Variants in APEH observed in about 807,000 individuals in gnomAD.
APEH encodes acylaminoacyl-peptide hydrolase.
A neutral mutation model predicts 102.7 loss-of-function variants in APEH; 75 were observed. The ratio of observed to expected loss-of-function variants is 0.73; its 90% confidence interval spans 0.61 to 0.89. The LOEUF (loss-of-function observed/expected upper bound fraction) is 0.89, where lower values mean the gene tolerates loss of function less well. APEH is among the 40% of genes least tolerant of loss of function. APEH has a pLI of 0.00. For missense variants in APEH, 863 were observed against 941.2 expected (o/e 0.92, Z 1.09); for synonymous variants, 344 against 362.7 (o/e 0.95, Z 0.59).
In APEH at chr3:49,683,714, A is replaced by C. The variant is rs890579112; in HGVS notation, c.*372A>C. ...TAGCTTCCCTGCTGCAGCCCCTTCCATTAGCAACTACTCTGTACCACCCTT... is the reference window on the plus strand; with the variant it reads ...TAGCTTCCCTGCTGCAGCCCCTTCCCTTAGCAACTACTCTGTACCACCCTT... On this transcript the variant is annotated 3_prime_UTR_variant, in exon 22 of 22. Transcript: ENST00000296456. 2.1e-6 allele frequency: 1 copy of C among 471,242 alleles called. No individual in the cohort carries two copies. Among genetic ancestry groups the C allele is most frequent in the Admixed American group, 3.7e-5 (1 of 27,200 alleles). The allele number at this position is 471,242 out of a possible 1,614,324, so 29.2% of individuals were successfully genotyped here. A position where few individuals can be genotyped will look rare whatever the true frequency, so the allele number is the denominator to read the frequency against.
intron 10 of APEH, 83 bp downstream of exon 10, chr3:49,677,107 C>A: frequency 1.3e-6 from 2 of 1,574,224 alleles, no homozygotes; most frequent in South Asian, 1.1e-5. Flanking sequence ...AGTATCATCT[C>A]CCCATAGGCC....
intron 14 of APEH, 41 bp downstream of exon 14, chr3:49,680,670 TG>T: frequency 6.4e-7 from 1 of 1,574,094 alleles, no homozygotes; most frequent in Non-Finnish European, 8.7e-7. Context: ...GCAGGGGTTC[TG>T]GGCAGGCAGA....
intron 10 of APEH, 60 bp downstream of exon 10, chr3:49,677,084 G>C (rs1001278303): frequency 1.9e-6 from 3 of 1,608,178 alleles, no homozygotes; most frequent in African/African-American, 2.7e-5. Flanking sequence ...TGGTGGATGA[G>C]AGCTGAAGGG....
intron 15 of APEH, 71 bp from the exon 16 acceptor site, chr3:49,681,651 C>T (rs757946326): frequency 2.2e-6 from 3 of 1,342,804 alleles, no homozygotes; most frequent in Admixed American, 2.7e-5. Flanking sequence ...CCCACACCTG[C>T]AGCTAGAGAT....
chr3:49,683,326 C>G lies in APEH; in HGVS notation c.2183C>G (p.Thr728Arg), dbSNP rs1436429845. 1 of 1,612,810 alleles carries G rather than the reference C, an allele frequency of 6.2e-7. No individual in the cohort carries two copies. Among genetic ancestry groups the G allele is most frequent in the Non-Finnish European group, 8.5e-7 (1 of 1,179,212 alleles). The change falls in exon 22 of 22, where the codon ACA becomes AGA. Residue 728 changes from threonine to arginine, a missense_variant. Physicochemically the swap from Thr to Arg is moderately conservative, Grantham distance 71. Transcript: ENST00000296456. ...ATGAATGCTGTGCTCTGGCTACGCA[C>G]ACACTTGGGCAGCTGAAGCCCTGCC... ...SFMNAVLWLR[T>R]HLGS
intron 13 of APEH, 27 bp from the exon 14 acceptor site, chr3:49,680,514 G>A (rs1559637025): frequency 6.2e-7 from 1 of 1,600,052 alleles, no homozygotes; most frequent in Admixed American, 1.7e-5. Flanking sequence ...CTCCTGCTAA[G>A]CACTTAATGG....
At chr3:49,674,167 T>A (rs1178898274), upstream of APEH, 7 of 561,332 alleles carry the variant, frequency 1.2e-5, no homozygotes, top group African/African-American at 1.2e-4. Context: ...AGTCCGCCCC[T>A]GGCGAGACCC....
chr3:49,683,749 A>G lies in APEH; in HGVS notation c.*407A>G, dbSNP rs538729852. ...ACTCTGTACCACCCTTCCCAAGAGT[A>G]TGTCTGGAGGACTAGTGTGAGGCCC... On this transcript the variant is annotated 3_prime_UTR_variant, in exon 22 of 22. Coordinates refer to ENST00000296456, the MANE Select transcript of APEH (RefSeq NM_001640.4). The G allele has an allele frequency of 7.6e-5, 39 of 511,158 alleles. No homozygotes were observed. The East Asian group carries it at 1.1e-3, about 14-fold the overall frequency. The allele number at this position is 511,158 out of a possible 1,614,324, so 31.7% of individuals were successfully genotyped here. A position where few individuals can be genotyped will look rare whatever the true frequency, so the allele number is the denominator to read the frequency against.
chr3:49,680,950 T>C (rs1420674585), intron 14 of APEH, 151 bp from the exon 15 acceptor site: 6 of 1,015,480 alleles, frequency 5.9e-6, no homozygotes, highest in Non-Finnish European at 8.6e-6. Context: ...TACCTTGGTA[T>C]ATACCATCCC....
Position 49,674,563 on chromosome 3 carries a change from C to T in APEH, c.87C>T (p.Ala29=), listed in dbSNP as rs1010513978. The T allele has an allele frequency of 3.2e-6, 5 of 1,568,540 alleles. No individual in the cohort carries two copies. In the Admixed American group the frequency reaches 5.6e-5, roughly 17 times the overall value. The change falls in exon 2 of 22, where the codon GCC becomes GCT. Residue 29 remains alanine (A), a synonymous_variant. Transcript: ENST00000296456. ...GCCGCCAGCCCGCGCTGAGCGCCGC[C>T]TGCCTGGGCCCGGAGGTCACCACGC... ...GLSRQPALSA[A]CLGPEVTTQY...
In APEH at chr3:49,683,666, G is replaced by A. The variant is rs2053459651; in HGVS notation, c.*324G>A. On this transcript the variant is annotated 3_prime_UTR_variant, in exon 22 of 22. Transcript: ENST00000296456. ...AGAGGCTTAGCCTCTGCCTGTCCTGGCAACCAGGACTCTGTACCAGCCTAG... is the reference window on the plus strand; with the variant it reads ...AGAGGCTTAGCCTCTGCCTGTCCTGACAACCAGGACTCTGTACCAGCCTAG... The A allele has an allele frequency of 1.1e-5, 5 of 461,970 alleles. No individual in the cohort carries two copies. Among genetic ancestry groups the A allele is most frequent in the South Asian group, 9.0e-5 (4 of 44,224 alleles). 28.6% of individuals were successfully genotyped at this position (461,970 alleles called of 1,614,324 possible).
Position 49,676,067 on chromosome 3 carries a change from T to C in APEH, c.454T>C (p.Cys152Arg). ...GPVYEDDCFG[C>R]LSWSHSETHL... Reference sequence around the variant, plus strand: ...CTCCCTGCACCCAGACTGCTTTGGCTGCCTGTCCTGGTCGCACTCGGAGAC... The same window carrying C: ...CTCCCTGCACCCAGACTGCTTTGGCCGCCTGTCCTGGTCGCACTCGGAGAC... Residue 152 changes from cysteine to arginine, a missense_variant, in exon 6 of 22, where the codon TGC becomes CGC. Cys to Arg is a radical substitution (Grantham distance 180). Coordinates refer to ENST00000296456, the MANE Select transcript of APEH (RefSeq NM_001640.4). 1 of 1,614,204 alleles carries C rather than the reference T, an allele frequency of 6.2e-7. No individual in the cohort carries two copies. The highest frequency in any genetic ancestry group is 1.1e-5 in the South Asian group (1 of 91,086).
In APEH at chr3:49,674,429, G is replaced by A. The variant is rs1490545424; in HGVS notation, c.12+16G>A. The A allele has an allele frequency of 6.4e-6, 10 of 1,572,552 alleles. No individual in the cohort carries two copies. Among genetic ancestry groups the A allele is most frequent in the South Asian group, 1.1e-5 (1 of 87,258 alleles). On this transcript the variant is annotated intron_variant, in intron 1 of 21. Coordinates refer to ENST00000296456, the MANE Select transcript of APEH (RefSeq NM_001640.4). The stretch of plus-strand genomic sequence containing the variant: ...GGAACGTCAGGTGAGGGCTCGGCCC[G>A]CGGTCCCCGTGGTCCCTGCAGCCCG...
rs767226633 is a variant in APEH, at chr3:49,676,122, G to GC, written c.513dup (p.Lys172GlnfsTer18). The GC allele has an allele frequency of 6.2e-7, 1 of 1,614,212 alleles. No homozygotes were observed. Among genetic ancestry groups the GC allele is most frequent in the Non-Finnish European group, 8.5e-7 (1 of 1,180,034 alleles). ...TTGTTGTATGTGGCAGAGAAGAAGCGCCCCAAGGCCGAGTCCTTCTTTCAG... is the reference window on the plus strand; with the variant it reads ...TTGTTGTATGTGGCAGAGAAGAAGCGCCCCCAAGGCCGAGTCCTTCTTTCAG... On this transcript the variant is annotated frameshift_variant, in exon 6 of 22. Coordinates refer to ENST00000296456, the MANE Select transcript of APEH (RefSeq NM_001640.4). LOFTEE classifies it high-confidence loss of function.
chr3:49,679,546 G>T lies in APEH; in HGVS notation c.1159-47G>T, dbSNP rs754821280. The T allele has an allele frequency of 1.9e-6, 3 of 1,601,986 alleles. No individual in the cohort carries two copies. Among genetic ancestry groups the T allele is most frequent in the South Asian group, 1.1e-5 (1 of 90,746 alleles). On this transcript the variant is annotated intron_variant, in intron 12 of 21. Transcript: ENST00000296456. The surrounding 1 kb of genome is among the most constrained non-coding windows in gnomAD (Gnocchi z 4.3). ...TAGGGGAGGGACCCATAGGTAGAGG[G>T]AGTACTCTTGGATGTGGTCGCACCT...
At chr3:49,674,700 G>A (rs1412639712) in intron 2 of APEH, 79 bp downstream of exon 2, 6 of 1,533,136 alleles carry the variant, frequency 3.9e-6, no homozygotes, top group Non-Finnish European at 5.3e-6. Context: ...AGGGCTCGCT[G>A]CTTGACAGTG....
intron 18 of APEH, 29 bp downstream of exon 18, chr3:49,682,465 C>A: frequency 6.2e-7 from 1 of 1,612,684 alleles, no homozygotes. Context: ...TCTGGACAGG[C>A]TGAAACATGG....
At chr3:49,675,578 C>T (rs2052993598) in intron 3 of APEH, 116 bp from the exon 4 acceptor site, 2 of 1,135,064 alleles carry the variant, frequency 1.8e-6, no homozygotes, top group Non-Finnish European at 1.3e-6. Context: ...TAGAGGTGCT[C>T]CAGAAGCTGG....
rs1459008787 is a variant in APEH at position 49,676,635 on chromosome 3, TGTG to T, written c.775_777del (p.Val259del). 1.2e-6 allele frequency: 2 copies of T among 1,614,226 alleles called. No homozygotes were observed. Reference sequence around the variant, plus strand: ...CATTTTGGGCCCCTGGAGATGCTGGTGTGGTGTTTGTGGGCTGGTGGCATGAGC... The same window carrying T: ...CATTTTGGGCCCCTGGAGATGCTGGTGTGTTTGTGGGCTGGTGGCATGAGC... On this transcript the variant is annotated inframe_deletion, in exon 8 of 22. Transcript: ENST00000296456.
Sources: gnomAD v4.1 joint callset for allele counts on GRCh38, gnomAD v4.1.1 for gene constraint, Gnocchi (gnomAD v3.1) non-coding constraint, MANE v1.5 for transcripts, NCBI Gene and HGNC (gene_info 2026-07-23, HGNC 2026-07-21) for gene names.